The following TSC2 variants were observed in gnomAD, a reference collection of about 807,000 sequenced individuals.
TSC2 encodes tuberin.
In TSC2, 29 loss-of-function variants were observed where a neutral mutation model predicts 202.2. The ratio of observed to expected loss-of-function variants is 0.14; its 90% CI spans 0.11 to 0.20. The LOEUF is 0.20. Ranked by LOEUF, TSC2 falls within the 10% of genes least tolerant of loss-of-function variation. TSC2 has a pLI of 1.00. For synonymous variants in TSC2, 1,349 were observed against 1,044.0 expected, an observed-to-expected ratio of 1.29 and a Z score of -5.63; for missense variants, 2,429 against 2,420.0, an observed-to-expected ratio of 1.00 and a Z score of -0.08.
rs1256554136 is a variant in TSC2 at position 2,088,210 on chromosome 16, C to T, written c.5161-17C>T. 4 of 1,613,122 alleles carry T rather than the reference C, an allele frequency of 2.5e-6. No individual in the cohort carries two copies. Among genetic ancestry groups the T allele is most frequent in the Non-Finnish European group, 3.4e-6 (4 of 1,179,970 alleles). The stretch of plus-strand genomic sequence containing the variant: ...GTGCCACCTGATAGTGAGCTCACCC[C>T]CTGCCTACGTCCCCAGATGGCCTCA... On this transcript the variant is annotated splice_polypyrimidine_tract_variant and intron_variant, in intron 40 of 41. Coordinates refer to ENST00000219476, the MANE Select transcript of TSC2 (RefSeq NM_000548.5).
chr16:2,054,514 G>T, intron 5 of TSC2, 74 bp downstream of exon 5: 2 of 1,604,550 alleles, frequency 1.2e-6, no homozygotes, highest in Non-Finnish European at 1.7e-6. Context: ...AGGACCTGGG[G>T]CTGGGGAGGG....
intron 36 of TSC2, 69 bp from the exon 37 acceptor site, chr16:2,086,123 AC>A: frequency 1.3e-6 from 2 of 1,582,140 alleles, no homozygotes; most frequent in East Asian, 2.2e-5. Context: ...CCTGCTGGGC[AC>A]CCCCACCCTC....
In TSC2 at chr16:2,080,686, G is replaced by T. The variant is rs11640493; in HGVS notation, c.3610+309G>T. On this transcript the variant is annotated intron_variant, in intron 30 of 41. Transcript: ENST00000219476. Reference sequence around the variant, plus strand: ...TTTCTAGTAGAGATGGGGTTTCACTGTGTTAGCCAGGATGGTCTCAATCTC... The same window carrying T: ...TTTCTAGTAGAGATGGGGTTTCACTTTGTTAGCCAGGATGGTCTCAATCTC... The T allele has an allele frequency of 2.2e-4, 82 of 371,664 alleles. 1 individual carries two copies. Among genetic ancestry groups the T allele is most frequent in the East Asian group, 8.7e-4 (15 of 17,220 alleles). The allele number at this position is 371,664 out of a possible 1,614,324, so 23.0% of individuals were successfully genotyped here.
At position 2,060,677 on chromosome 16, in the gene TSC2, C is replaced by T. The variant is rs2151134572; in HGVS notation, c.983C>T (p.Ala328Val). Reference sequence around the variant, plus strand: ...GCCGGGCTCGTGTTCCAGGCCATGGCATGTCCGAACGAGGTGGTGTCCTAT... The same window carrying T: ...GCCGGGCTCGTGTTCCAGGCCATGGTATGTCCGAACGAGGTGGTGTCCTAT... Reference protein sequence around the residue: ...SVLPSFYQAMACPNEVVSYEI... With the variant: ...SVLPSFYQAMVCPNEVVSYEI... The change falls in exon 11 of 42, where the codon GCA becomes GTA. Residue 328 changes from alanine (A) to valine (V), a missense_variant. Physicochemically the swap from Ala to Val is moderately conservative, Grantham distance 64. Transcript: ENST00000219476. 6.2e-7 allele frequency: 1 copy of T among 1,614,046 alleles called. No homozygotes were observed. Among genetic ancestry groups the T allele is most frequent in the Middle Eastern group, 1.6e-4 (1 of 6,062 alleles).
At chr16:2,083,655 C>G in intron 32 of TSC2, 40 bp from the exon 33 acceptor site, 1 of 1,559,014 alleles carries the variant, frequency 6.4e-7, no homozygotes, top group Non-Finnish European at 8.7e-7. Context: ...CAGGGCCTGG[C>G]CCAGCCCCAC....
chr16:2,078,694 CTG>C, intron 26 of TSC2: 1 of 398,430 alleles, frequency 2.5e-6, no homozygotes, highest in Non-Finnish European at 4.8e-6. Flanking sequence ...CTGGGCCTGT[CTG>C]TGTGGCCTCC....
chr16:2,049,528 A>G lies in TSC2; in HGVS notation c.138+775A>G, dbSNP rs146233868. On this transcript the variant is annotated intron_variant, in intron 2 of 41. Transcript: ENST00000219476. ...AAAACGTTCATCAACTGATGAATAA[A>G]ATATAGTCCATCCTGGCTGGGTGCG... 8.1e-3 allele frequency among the ~76,000 whole-genome samples: 1,227 copies of G among 152,190 alleles called. 25 individuals are homozygous for G. The highest frequency in any genetic ancestry group is 0.028 in the African/African-American group (1,177 of 41,512).
rs199964793 is a variant in TSC2 at position 2,065,650 on chromosome 16, C to T, written c.1716+15C>T. ...TCATCCTTCAGGTGGGTGTTCTGCA[C>T]GAGGCCTCTGCTCCCGGGGCGCGCA... On this transcript the variant is annotated intron_variant, in intron 16 of 41. Transcript: ENST00000219476. The T allele has an allele frequency of 3.4e-5, 55 of 1,608,646 alleles. No homozygotes were observed. Among genetic ancestry groups the T allele is most frequent in the Non-Finnish European group, 4.2e-5 (49 of 1,175,914 alleles).
chr16:2,072,820 G>A, intron 20 of TSC2, 29 bp from the exon 21 acceptor site: 5 of 1,613,204 alleles, frequency 3.1e-6, no homozygotes, highest in Non-Finnish European at 3.4e-6. Flanking sequence ...CCGCTGGGGA[G>A]AGGTTTCATG....
At chr16:2,070,092 T>C (rs2088033331) in intron 16 of TSC2, among the ~76,000 whole-genome samples, 1 of 151,328 alleles carries the variant, frequency 6.6e-6, no homozygotes, top group East Asian at 1.9e-4. Context: ...TCTTCACACC[T>C]TGCCACACGT....
chr16:2,057,410 C>T (rs2086008436), intron 9 of TSC2, among the ~76,000 whole-genome samples: 1 of 152,202 alleles, frequency 6.6e-6, no homozygotes, highest in South Asian at 2.1e-4. Flanking sequence ...CTGCCCCATG[C>T]TCGGACGTCC....
intron 16 of TSC2, among the ~76,000 whole-genome samples, chr16:2,065,883 T>C (rs905467715): frequency 3.9e-5 from 6 of 152,214 alleles, no homozygotes; most frequent in African/African-American, 1.2e-4. Context: ...GCCGGAACCA[T>C]GTACCATCCT....
chr16:2,071,417 G>A (rs2088361002), intron 17 of TSC2, 93 bp from the exon 18 acceptor site: 5 of 1,323,372 alleles, frequency 3.8e-6, no homozygotes, highest in Non-Finnish European at 5.3e-6. Flanking sequence ...CTGAGTGCCT[G>A]TGGTGCTGGA....
intron 4 of TSC2, chr16:2,054,070 GAC>G (rs1680663534): frequency 1.6e-6 from 1 of 632,546 alleles, no homozygotes; most frequent in African/African-American, 1.8e-5. Context: ...GCCAGGTCCC[GAC>G]ACACAGCAGT....
Position 2,079,496 on chromosome 16 carries a change from G to T in TSC2, c.3285-61G>T. The T allele has an allele frequency of 6.2e-7, 1 of 1,608,288 alleles. No homozygotes were observed. ...CCGGCTGTCCCGAGCCCAGGCCCAC[G>T]TGGCACCCTCGTACCAGCCTGGGGA... On this transcript the variant is annotated intron_variant, in intron 28 of 41. Transcript: ENST00000219476. The surrounding 1 kb of genome is among the most constrained non-coding windows in gnomAD (Gnocchi z 4.6).
rs116724131 is a variant in TSC2, at chr16:2,049,098, T to A, written c.138+345T>A. Among the ~76,000 whole-genome samples, 1,196 of 152,220 alleles carry A rather than the reference T, an allele frequency of 7.9e-3. 11 individuals are homozygous for A. The highest frequency in any genetic ancestry group is 0.026 in the African/African-American group (1,065 of 41,476). On this transcript the variant is annotated intron_variant, in intron 2 of 41. Coordinates refer to ENST00000219476, the MANE Select transcript of TSC2 (RefSeq NM_000548.5). ...AGAAGTAGGTTCTTTATTTTATTTT[T>A]TTTTTGAGACTGAGTCTTGCTCTGT...
chr16:2,085,581 G>T (rs1596430758), intron 36 of TSC2, among the ~76,000 whole-genome samples: 1 of 152,190 alleles, frequency 6.6e-6, no homozygotes, highest in East Asian at 1.9e-4. Flanking sequence ...TCGCAGGGCT[G>T]GGGAGGGCGC....
At chr16:2,055,592 A>G in intron 6 of TSC2, 73 bp downstream of exon 6, 1 of 1,445,336 alleles carries the variant, frequency 6.9e-7, no homozygotes, top group Non-Finnish European at 9.7e-7. Context: ...AGTTGAAACC[A>G]CCAAAAAAAT....
At chr16:2,063,521 C>T (rs2086895515) in intron 14 of TSC2, 3 of 271,878 alleles carry the variant, frequency 1.1e-5, no homozygotes, top group Admixed American at 4.9e-5. Flanking sequence ...CCTTGAGAGA[C>T]ATTTGTGTGC....
Sources: allele counts gnomAD v4.1 joint callset (sites outside exome capture counted in the v4.1 genomes callset), GRCh38; gene constraint gnomAD v4.1.1; non-coding constraint Gnocchi (gnomAD v3.1); transcripts MANE v1.5; gene names NCBI Gene and HGNC (gene_info 2026-07-23, HGNC 2026-07-21).